Variants in FOXK1 observed in about 807,000 individuals in gnomAD.
FOXK1 encodes forkhead box K1, also known as forkhead box protein K1.
Under a neutral mutation model 51.9 loss-of-function variants are expected in FOXK1, and 19 were observed. The observed-to-expected ratio is 0.37, with a 90% CI of 0.26 to 0.54. The LOEUF (loss-of-function observed/expected upper bound fraction) is 0.54. FOXK1 is among the 20% of genes least tolerant of loss of function. The probability of loss-of-function intolerance (pLI) is 0.87; values close to 1 mark genes in which losing one functional copy is unlikely to be tolerated. For missense variants in FOXK1, 870 were observed against 1,032.7 expected (o/e 0.84, Z 2.16); for synonymous variants, 537 against 482.6 (o/e 1.11, Z -1.48).
intron 1 of FOXK1, among the ~76,000 whole-genome samples, chr7:4,738,673 G>C (rs981558733): frequency 2.0e-5 from 3 of 152,128 alleles, no homozygotes; most frequent in African/African-American, 7.2e-5. Context: ...TCGCTGGGCC[G>C]TGCCTCCCAG....
chr7:4,757,634 C>CAAAAAAAAAAA (rs59200954), intron 5 of FOXK1, among the ~76,000 whole-genome samples: 8 of 20,184 alleles, frequency 4.0e-4, no homozygotes, highest in Admixed American at 9.6e-4. Context: ...AACTCCGTCT[C>CAAAAAAAAAAA]AAAAAAAAAA....
intron 1 of FOXK1, among the ~76,000 whole-genome samples, chr7:4,713,726 G>A (rs887693089): frequency 2.0e-5 from 3 of 152,078 alleles, no homozygotes; most frequent in South Asian, 2.1e-4. Context: ...TCCTGACCTC[G>A]TGATCTGCCC....
rs1780226810 is a variant in FOXK1 at position 4,715,857 on chromosome 7, C to T, written c.561-24981C>T. Among the ~76,000 whole-genome samples the T allele has an allele frequency of 6.6e-6, 1 of 152,222 alleles. No individual in the cohort carries two copies. The highest frequency in any genetic ancestry group is 2.4e-5 in the African/African-American group (1 of 41,450). On this transcript the variant is annotated intron_variant, in intron 1 of 8. Transcript: ENST00000328914. The surrounding 1 kb of genome is among the most constrained non-coding windows in gnomAD (Gnocchi z 4.5). ...AAGCAAAACTCACAAGACAATCCTT[C>T]CAGCCACTGGTCACAGGATGGCCGT...
intron 1 of FOXK1, among the ~76,000 whole-genome samples, chr7:4,708,039 G>T (rs1447732445): frequency 4.6e-5 from 7 of 151,858 alleles, no homozygotes; most frequent in Non-Finnish European, 1.0e-4. Context: ...GTGCCCTGGT[G>T]CTGGGGTACC....
intron 1 of FOXK1, among the ~76,000 whole-genome samples, chr7:4,706,410 C>A (rs1375020058): frequency 6.6e-6 from 1 of 152,170 alleles, no homozygotes; most frequent in African/African-American, 2.4e-5. Flanking sequence ...AGCTAAACAG[C>A]AAGGGGAGGT....
chr7:4,770,729 C>T lies in FOXK1; in HGVS notation c.*8265C>T, dbSNP rs1466980068. On this transcript the variant is annotated 3_prime_UTR_variant, in exon 9 of 9. Transcript: ENST00000328914. ...TCCAGACACTTGGGCTGCACGTGCC[C>T]TGCAGATGACAAAGGCCGGCAGCTC... is the stretch of plus-strand genomic sequence containing the variant. 1 of 152,114 alleles carries T rather than the reference C, an allele frequency of 6.6e-6. No individual in the cohort carries two copies. The highest frequency in any genetic ancestry group is 1.5e-5 in the Non-Finnish European group (1 of 68,062). The allele number at this position is 152,114 out of a possible 1,614,324, so 9.4% of individuals were successfully genotyped here. A position where few individuals can be genotyped will look rare whatever the true frequency, so the allele number is the denominator to read the frequency against.
At chr7:4,744,051 G>A (rs1239880061) in intron 2 of FOXK1, among the ~76,000 whole-genome samples, 3 of 151,984 alleles carry the variant, frequency 2.0e-5, no homozygotes, top group African/African-American at 7.3e-5. Context: ...TAATTTTTGT[G>A]TGTTTTTAGT....
At chr7:4,760,086 C>G (rs1484777113) in intron 7 of FOXK1, 1 of 161,814 alleles carries the variant, frequency 6.2e-6, no homozygotes, top group African/African-American at 2.4e-5. Context: ...TGAACAGGGC[C>G]CTCGGATGCA....
chr7:4,757,659 A>ACC (rs1479629764), intron 5 of FOXK1, among the ~76,000 whole-genome samples: 5,548 of 146,746 alleles, frequency 0.038, 542 homozygotes, highest in African/African-American at 0.14. Flanking sequence ...AAAAAAAAAA[A>ACC]AAAAAGTAAT....
chr7:4,741,927 A>G (rs1472454623), intron 2 of FOXK1, among the ~76,000 whole-genome samples: 1 of 152,228 alleles, frequency 6.6e-6, no homozygotes, highest in Non-Finnish European at 1.5e-5. Flanking sequence ...TGGTCCTGTC[A>G]TACAGGGATG....
chr7:4,696,316 C>T (rs778381789), intron 1 of FOXK1, among the ~76,000 whole-genome samples: 1 of 152,130 alleles, frequency 6.6e-6, no homozygotes, highest in Non-Finnish European at 1.5e-5. Flanking sequence ...GAGGCTCTGT[C>T]TAGCTTGGAT....
Position 4,761,065 on chromosome 7 carries a change from C to A in FOXK1, c.1698C>A (p.Gly566=), listed in dbSNP as rs1376994743. The A allele has an allele frequency of 4.3e-6, 7 of 1,610,890 alleles. No homozygotes were observed. Among genetic ancestry groups the A allele is most frequent in the Middle Eastern group, 3.3e-4 (2 of 5,976 alleles). Reference sequence around the variant, plus strand: ...GCTGACTTGGTTCCTGTCCCGCAGGCCTGGAGGAGAAACCCACCATTGCGT... The same window carrying A: ...GCTGACTTGGTTCCTGTCCCGCAGGACTGGAGGAGAAACCCACCATTGCGT... ...AVLDLGSEAR[G]LEEKPTIAFA... Residue 566 remains glycine, a splice_region_variant and synonymous_variant, in exon 8 of 9, where the codon GGC becomes GGA. Transcript: ENST00000328914. The surrounding 1 kb of genome is among the most constrained non-coding windows in gnomAD (Gnocchi z 6.2).
At chr7:4,713,648 C>A (rs111747891) in intron 1 of FOXK1, among the ~76,000 whole-genome samples, 1 of 151,798 alleles carries the variant, frequency 6.6e-6, no homozygotes, top group South Asian at 2.1e-4. Context: ...CGTGCCACCA[C>A]GCCCAGCTAA....
At chr7:4,701,793 T>C (rs1780023981) in intron 1 of FOXK1, among the ~76,000 whole-genome samples, 1 of 152,206 alleles carries the variant, frequency 6.6e-6, no homozygotes, top group African/African-American at 2.4e-5. Flanking sequence ...CTCGGGAGGC[T>C]GAGGCAGGAG....
rs996338199 is a variant in FOXK1 at position 4,733,200 on chromosome 7, A to AT, written c.561-7631dup. Among the ~76,000 whole-genome samples, 8 of 149,294 alleles carry AT rather than the reference A, an allele frequency of 5.4e-5. No homozygotes were observed. Among genetic ancestry groups the AT allele is most frequent in the Non-Finnish European group, 1.2e-4 (8 of 67,174 alleles). ...CGGTCTTTTTTTTTTTAATTTTATT[A>AT]TTTTTTTATTTCAAGCTGGGTTCTT... On this transcript the variant is annotated intron_variant, in intron 1 of 8. Coordinates refer to ENST00000328914, the MANE Select transcript of FOXK1 (RefSeq NM_001037165.2). This position sits in a 1 kb window ranked among gnomAD's most constrained non-coding sequence, Gnocchi z 5.0.
At chr7:4,695,763 C>A (rs1779943673) in intron 1 of FOXK1, among the ~76,000 whole-genome samples, 1 of 152,066 alleles carries the variant, frequency 6.6e-6, no homozygotes, top group Non-Finnish European at 1.5e-5. Context: ...GTGGAGAAAC[C>A]CCGTCTCTAC....
intron 1 of FOXK1, among the ~76,000 whole-genome samples, chr7:4,717,640 C>T (rs1032690057): frequency 5.1e-4 from 78 of 152,230 alleles, no homozygotes; most frequent in African/African-American, 1.7e-3. Context: ...TCCACCCTAG[C>T]CCCAGAGGCA....
chr7:4,737,570 G>GTGTGTGTGCA (rs1780571143), intron 1 of FOXK1, among the ~76,000 whole-genome samples: 1 of 148,658 alleles, frequency 6.7e-6, no homozygotes, highest in Admixed American at 8.0e-5. Context: ...GTGTGTGTGT[G>GTGTGTGTGCA]TGTGCATGCA....
In FOXK1 at chr7:4,733,521, C is replaced by G. The variant is rs2115056483; in HGVS notation, c.561-7317C>G. Among the ~76,000 whole-genome samples the G allele has an allele frequency of 6.6e-6, 1 of 152,320 alleles. No individual in the cohort carries two copies. On this transcript the variant is annotated intron_variant, in intron 1 of 8. Coordinates refer to ENST00000328914, the MANE Select transcript of FOXK1 (RefSeq NM_001037165.2). This position sits in a 1 kb window ranked among gnomAD's most constrained non-coding sequence, Gnocchi z 5.0. ...CTTGGTTCCTCATATAGACATGACC[C>G]ATTTGTATCCCATTGACCAGCTCAT...
Sources: allele counts gnomAD v4.1 joint callset (sites outside exome capture counted in the v4.1 genomes callset), GRCh38; gene constraint gnomAD v4.1.1; non-coding constraint Gnocchi (gnomAD v3.1); transcripts MANE v1.5; gene names NCBI Gene and HGNC (gene_info 2026-07-23, HGNC 2026-07-21).